The following TACC2 variants were observed in gnomAD, a reference collection of about 807,000 sequenced individuals.
The protein encoded by TACC2 is transforming acidic coiled-coil containing protein 2, also known as transforming acidic coiled-coil-containing protein 2.
A neutral mutation model predicts 227.3 loss-of-function variants in TACC2; 137 were observed. The observed-to-expected ratio is 0.60, with a 90% confidence interval of 0.52 to 0.69. TACC2 has a LOEUF of 0.69. Among genes scored for constraint, TACC2 ranks in the 30% least tolerant of loss-of-function variants. The probability of loss-of-function intolerance (pLI) is 0.00; values close to 1 mark genes in which losing one functional copy is unlikely to be tolerated. For synonymous variants in TACC2, 1,523 were observed against 1,487.5 expected (o/e 1.02, Z -0.55); for missense variants, 3,470 against 3,694.4 (o/e 0.94, Z 1.57).
chr10:122,238,600 C>T (rs2095909687), intron 18 of TACC2, among the ~76,000 whole-genome samples: 1 of 152,148 alleles, frequency 6.6e-6, no homozygotes, highest in Non-Finnish European at 1.5e-5. Flanking sequence ...CAGGCGCCTG[C>T]CACCATGGCT....
chr10:122,222,722 G>A (rs1044828100), intron 11 of TACC2, among the ~76,000 whole-genome samples: 1 of 152,152 alleles, frequency 6.6e-6, no homozygotes, highest in African/African-American at 2.4e-5. Context: ...TACCAGAGCC[G>A]GGCACTCGCC....
chr10:122,010,953 TGTTCAGCTGTGG>T (rs537813355), intron 1 of TACC2, among the ~76,000 whole-genome samples: 6 of 152,322 alleles, frequency 3.9e-5, no homozygotes, highest in African/African-American at 1.2e-4. Flanking sequence ...CATGTGTCGG[TGTTCAGCTGTGG>T]GTTGGCTTGC....
At chr10:122,002,601 C>G (rs1954537670) in intron 1 of TACC2, among the ~76,000 whole-genome samples, 1 of 152,114 alleles carries the variant, frequency 6.6e-6, no homozygotes, top group African/African-American at 2.4e-5. Context: ...GTGAAATTAT[C>G]TGGGCCTGAT....
rs1485880225 is a variant in TACC2, at chr10:122,082,747, GA to G, written c.248del (p.Asp83AlafsTer127). 1 of 1,613,916 alleles carries G rather than the reference GA, an allele frequency of 6.2e-7. No homozygotes were observed. The highest frequency in any genetic ancestry group is 1.3e-5 in the African/African-American group (1 of 74,908). ...CCCAGAGGTGACTGAGCCAAGGAAGGACCCACAGGGAGCCAGGGGGCCAGAA... is the reference window on the plus strand; with the variant it reads ...CCCAGAGGTGACTGAGCCAAGGAAGGCCCACAGGGAGCCAGGGGGCCAGAA... ...VSPEVTEPRKDPQGARGPEGS... is the reference protein window; with the variant it reads ...VSPEVTEPRKXPQGARGPEGS... On this transcript the variant is annotated frameshift_variant, in exon 4 of 23. Transcript: ENST00000369005. LOFTEE classifies it high-confidence loss of function.
rs924299426 is a variant in TACC2, at chr10:122,013,162, G to A, written c.-45-8775G>A. 4.6e-5 allele frequency among the ~76,000 whole-genome samples: 7 copies of A among 152,092 alleles called. No individual in the cohort carries two copies. The East Asian group carries it at 1.3e-3, about 29-fold the overall frequency. On this transcript the variant is annotated intron_variant, in intron 1 of 22. Transcript: ENST00000369005. ...GGTCATGAGAGCAGGGACTCTCTGA[G>A]GTTTTCCCAGCCCTGATATTCTACA...
intron 5 of TACC2, among the ~76,000 whole-genome samples, chr10:122,092,386 C>G (rs922473578): frequency 1.3e-5 from 2 of 152,108 alleles, no homozygotes; most frequent in African/African-American, 4.8e-5. Flanking sequence ...CAAGTTACCT[C>G]CAGAAGAGCA....
intron 2 of TACC2, among the ~76,000 whole-genome samples, chr10:122,047,753 CAT>C (rs2075192662): frequency 6.6e-6 from 1 of 152,212 alleles, no homozygotes; most frequent in African/African-American, 2.4e-5. Flanking sequence ...AATTCAATGA[CAT>C]AGTTCATGGA....
intron 1 of TACC2, among the ~76,000 whole-genome samples, chr10:122,017,340 C>T (rs1187524965): frequency 2.0e-5 from 3 of 152,038 alleles, no homozygotes; most frequent in South Asian, 2.1e-4. Context: ...TCCCCTGTGC[C>T]GCCGCCGTTT....
At chr10:122,243,106 G>A (rs1181715361) in intron 19 of TACC2, among the ~76,000 whole-genome samples, 1 of 152,172 alleles carries the variant, frequency 6.6e-6, no homozygotes. Flanking sequence ...ATCATGCCTG[G>A]CTAATTTTTG....
chr10:122,120,124 C>T (rs2085451147), intron 5 of TACC2, among the ~76,000 whole-genome samples: 1 of 152,084 alleles, frequency 6.6e-6, no homozygotes, highest in South Asian at 2.1e-4. Context: ...GTTCCCCCTC[C>T]GTCCTGCAAC....
chr10:122,033,630 C>T (rs968994448), intron 2 of TACC2, among the ~76,000 whole-genome samples: 1 of 152,132 alleles, frequency 6.6e-6, no homozygotes, highest in African/African-American at 2.4e-5. Flanking sequence ...AGCTGAGTTC[C>T]GCTGCTGTGG....
At chr10:122,163,669 A>ACGCCGGCCACGCTCGGGCGCG in intron 7 of TACC2, 1 of 1,040,844 alleles carries the variant, frequency 9.6e-7, no homozygotes, top group Non-Finnish European at 1.2e-6. Context: ...AGAGCCGCGC[A>ACGCCGGCCACGCTCGGGCGCG]CGCCGGCCAC....
intron 6 of TACC2, among the ~76,000 whole-genome samples, chr10:122,136,517 A>G (rs563359421): frequency 8.0e-5 from 11 of 137,318 alleles, no homozygotes; most frequent in East Asian, 4.0e-4. Flanking sequence ...ATATATATAT[A>G]TGTGTGTATG....
At chr10:122,237,312 C>T (rs1292782683) in intron 16 of TACC2, 83 bp from the exon 17 acceptor site, 2 of 1,329,406 alleles carry the variant, frequency 1.5e-6, no homozygotes, top group Admixed American at 5.0e-5. Flanking sequence ...ACAATTGGCC[C>T]ATTCATGAGA....
intron 3 of TACC2, among the ~76,000 whole-genome samples, chr10:122,062,921 T>C (rs1315346506): frequency 6.6e-6 from 1 of 152,152 alleles, no homozygotes; most frequent in Non-Finnish European, 1.5e-5. Flanking sequence ...TGGCTGTAGA[T>C]GACCCAAGGG....
In TACC2 at chr10:122,084,724, T is replaced by C. The variant is rs1421860489; in HGVS notation, c.2224T>C (p.Leu742=). The change falls in exon 4 of 23, where the codon TTG becomes CTG. Residue 742 remains leucine (L), a synonymous_variant. Coordinates refer to ENST00000369005, the MANE Select transcript of TACC2 (RefSeq NM_206862.4). ...CAAAGCCCAGGAAGGTGAGAGCACA[T>C]TGGAAATAAGGAAGATGGGCAGCTG... ...APKAQEGEST[L]EIRKMGSCDG... The C allele has an allele frequency of 6.2e-7, 1 of 1,613,490 alleles. No homozygotes were observed. Among genetic ancestry groups the C allele is most frequent in the South Asian group, 1.1e-5 (1 of 91,078 alleles).
At position 122,050,656 on chromosome 10, in the gene TACC2, A is replaced by G. The variant is rs2075570686; in HGVS notation, c.146+106A>G. On this transcript the variant is annotated intron_variant, in intron 3 of 22. Coordinates refer to ENST00000369005, the MANE Select transcript of TACC2 (RefSeq NM_206862.4). This position sits in a 1 kb window ranked among gnomAD's most constrained non-coding sequence, Gnocchi z 4.6. ...TTTGCTTTGGAAACTGGACCCTTAG[A>G]CACATGGTATCGTCCTCAGTGGTGA... 1 of 825,558 alleles carries G rather than the reference A, an allele frequency of 1.2e-6. No individual in the cohort carries two copies. The highest frequency in any genetic ancestry group is 2.3e-5 in the Admixed American group (1 of 42,712). The allele number at this position is 825,558 out of a possible 1,614,324, so 51.1% of individuals were successfully genotyped here.
intron 5 of TACC2, among the ~76,000 whole-genome samples, chr10:122,089,599 T>G (rs2080501281): frequency 6.6e-6 from 1 of 152,230 alleles, no homozygotes. Flanking sequence ...TGAACAAGCT[T>G]TCCGCCTCCC....
intron 7 of TACC2, among the ~76,000 whole-genome samples, chr10:122,178,746 G>T (rs1292135293): frequency 1.3e-5 from 2 of 152,092 alleles, no homozygotes; most frequent in African/African-American, 4.8e-5. Context: ...TCAGCCATGG[G>T]GTTGTGCGCC....
Sources: allele counts gnomAD v4.1 joint callset (sites outside exome capture counted in the v4.1 genomes callset), GRCh38; gene constraint gnomAD v4.1.1; non-coding constraint Gnocchi (gnomAD v3.1); transcripts MANE v1.5; gene names NCBI Gene and HGNC (gene_info 2026-07-23, HGNC 2026-07-21).